The following TENM2 variants were observed in gnomAD, a reference collection of about 807,000 sequenced individuals.
TENM2 encodes teneurin-2.
TENM2 carries 52 observed loss-of-function variants against 245.2 expected under a neutral mutation model. The observed-to-expected ratio is 0.21, with a 90% CI of 0.17 to 0.27. The LOEUF (loss-of-function observed/expected upper bound fraction) is 0.27, where lower values mean the gene tolerates loss of function less well. Among genes scored for constraint, TENM2 ranks in the 10% least tolerant of loss-of-function variants. The pLI, the probability that TENM2 is intolerant of heterozygous loss-of-function variation, is 1.00. For synonymous variants in TENM2, 1,363 were observed against 1,438.9 expected, an observed-to-expected ratio of 0.95 and a Z score of 1.19; for missense variants, 3,046 against 3,666.8, an observed-to-expected ratio of 0.83 and a Z score of 4.37.
chr5:167,135,492 A>ATT, the TENM2 span, among the ~76,000 whole-genome samples: 2 of 152,148 alleles, frequency 1.3e-5, no homozygotes, highest in African/African-American at 4.8e-5. Context: ...AGTGGCGTGT[A>ATT]TTGGCCGGGT....
intron 2 of TENM2, among the ~76,000 whole-genome samples, chr5:167,670,978 A>G (rs1277369500): frequency 6.6e-6 from 1 of 152,122 alleles, no homozygotes; most frequent in Non-Finnish European, 1.5e-5. Flanking sequence ...CCTGTCACCA[A>G]ATTAATTAAA....
chr5:167,255,312 C>T, the TENM2 span, among the ~76,000 whole-genome samples: 2 of 152,040 alleles, frequency 1.3e-5, no homozygotes, highest in African/African-American at 2.4e-5. Flanking sequence ...TAAAGGGTAA[C>T]ATCTTTTCCT....
intron 2 of TENM2, among the ~76,000 whole-genome samples, chr5:167,758,216 A>G (rs1433722663): frequency 1.3e-5 from 2 of 152,200 alleles, no homozygotes; most frequent in African/African-American, 4.8e-5. Context: ...ATGATGACCA[A>G]GAAATCAGTT....
chr5:167,927,182 C>G (rs962258521), intron 3 of TENM2, among the ~76,000 whole-genome samples: 2 of 152,032 alleles, frequency 1.3e-5, no homozygotes, highest in African/African-American at 2.4e-5. Flanking sequence ...TTTGATTTCC[C>G]CCACAGATAG....
At chr5:167,288,954 A>G (rs1372934705) in intron 1 of TENM2, among the ~76,000 whole-genome samples, 3 of 152,226 alleles carry the variant, frequency 2.0e-5, no homozygotes, top group African/African-American at 7.2e-5. Context: ...ATACCTTTAA[A>G]TCTTTCTTAA....
intron 2 of TENM2, among the ~76,000 whole-genome samples, chr5:167,604,826 G>C (rs554490680): frequency 2.6e-5 from 4 of 151,956 alleles, no homozygotes; most frequent in Admixed American, 1.3e-4. Flanking sequence ...GAACTATTAA[G>C]TGGTATAAGG....
chr5:167,257,683 A>G, the TENM2 span, among the ~76,000 whole-genome samples: 3 of 152,124 alleles, frequency 2.0e-5, no homozygotes, highest in African/African-American at 4.8e-5. Flanking sequence ...AAGTGAATAA[A>G]AAATGGTTCA....
At chr5:167,305,801 T>C (rs879710595) in intron 1 of TENM2, among the ~76,000 whole-genome samples, 6 of 152,222 alleles carry the variant, frequency 3.9e-5, no homozygotes, top group Non-Finnish European at 8.8e-5. Context: ...TGCCCTGCAT[T>C]GAGTACGTCA....
chr5:167,939,304 A>G (rs1778982172), intron 3 of TENM2, among the ~76,000 whole-genome samples: 1 of 152,198 alleles, frequency 6.6e-6, no homozygotes, highest in African/African-American at 2.4e-5. Context: ...TGCAGTTCAC[A>G]ATAGGGTTCA....
At chr5:167,120,820 G>T in the TENM2 span, among the ~76,000 whole-genome samples, 1 of 152,184 alleles carries the variant, frequency 6.6e-6, no homozygotes, top group Admixed American at 6.5e-5. Context: ...TTGGCTGCTT[G>T]GAGTGTTGTG....
rs550252016 is a variant in TENM2, at chr5:167,934,970, AAG to A, written c.713-17617_713-17616del. The stretch of plus-strand genomic sequence containing the variant: ...GACTTTCTGAGACTGGAAGCAAAGA[AAG>A]GGGGTGGGAAAGAAAACAGTAGGTG... On this transcript the variant is annotated intron_variant, in intron 3 of 28. Transcript: ENST00000518659. 3.2e-3 allele frequency: 3,051 copies of A among 958,012 alleles called. 5 individuals are homozygous for A. The highest frequency in any genetic ancestry group is 3.8e-3 in the Admixed American group (62 of 16,244). The allele number at this position is 958,012 out of a possible 1,614,324, so 59.3% of individuals were successfully genotyped here.
At chr5:167,438,596 A>AC (rs749173430) in intron 2 of TENM2, among the ~76,000 whole-genome samples, 1 of 151,836 alleles carries the variant, frequency 6.6e-6, no homozygotes, top group Non-Finnish European at 1.5e-5. Flanking sequence ...ACGGGGTTTC[A>AC]CGCTGTTAGC....
intron 12 of TENM2, among the ~76,000 whole-genome samples, chr5:168,140,122 T>G (rs921357822): frequency 6.6e-6 from 1 of 152,188 alleles, no homozygotes; most frequent in Non-Finnish European, 1.5e-5. Context: ...CCTTGGTAAC[T>G]GGTTTAAGCT....
At chr5:168,155,550 T>C (rs35521783) in intron 12 of TENM2, among the ~76,000 whole-genome samples, 4,283 of 152,256 alleles carry the variant, frequency 0.028, 101 homozygotes, top group Non-Finnish European at 0.038. Context: ...GCCCGTCCAA[T>C]GTGGTATTGC....
At chr5:167,822,575 A>T (rs1767620995) in intron 2 of TENM2, among the ~76,000 whole-genome samples, 1 of 152,244 alleles carries the variant, frequency 6.6e-6, no homozygotes, top group Admixed American at 6.5e-5. Flanking sequence ...CCTTCATGAC[A>T]GAATGTCAGA....
At chr5:167,656,392 G>A (rs533733291) in intron 2 of TENM2, among the ~76,000 whole-genome samples, 2 of 152,272 alleles carry the variant, frequency 1.3e-5, no homozygotes, top group African/African-American at 2.4e-5. Flanking sequence ...GGTCCCTGAG[G>A]TGTGAACAAT....
intron 5 of TENM2, among the ~76,000 whole-genome samples, chr5:168,034,580 T>TA (rs964519543): frequency 5.8e-4 from 86 of 149,200 alleles, no homozygotes; most frequent in African/African-American, 2.1e-3. Flanking sequence ...CCATCTCTAC[T>TA]AAAAAATTAA....
At chr5:167,206,974 G>A in the TENM2 span, among the ~76,000 whole-genome samples, 1 of 151,792 alleles carries the variant, frequency 6.6e-6, no homozygotes, top group African/African-American at 2.4e-5. Flanking sequence ...TTTAAAATAA[G>A]ACAATTTCTA....
chr5:168,101,335 A>G (rs981806876), intron 9 of TENM2, among the ~76,000 whole-genome samples: 16 of 152,148 alleles, frequency 1.1e-4, no homozygotes, highest in African/African-American at 3.9e-4. Flanking sequence ...ATTAACACTG[A>G]CACACATCGA....
Sources: allele counts gnomAD v4.1 joint callset (sites outside exome capture counted in the v4.1 genomes callset), GRCh38; gene constraint gnomAD v4.1.1; transcripts MANE v1.5; gene names NCBI Gene and HGNC (gene_info 2026-07-23, HGNC 2026-07-21).